Variants in HECW2 observed in about 807,000 individuals in gnomAD.
The protein encoded by HECW2 is E3 ubiquitin-protein ligase HECW2.
A neutral mutation model predicts 175.2 loss-of-function variants in HECW2; 61 were observed. That is an observed-to-expected ratio of 0.35 (90% CI 0.28 to 0.43). The LOEUF is 0.43. Ranked by LOEUF, HECW2 falls within the 20% of genes least tolerant of loss-of-function variation. The pLI, the probability that HECW2 is intolerant of heterozygous loss-of-function variation, is 1.00. For synonymous variants in HECW2, 671 were observed against 731.0 expected, an observed-to-expected ratio of 0.92 and a Z score of 1.32; for missense variants, 1,524 against 2,000.5, an observed-to-expected ratio of 0.76 and a Z score of 4.54.
intron 1 of HECW2, among the ~76,000 whole-genome samples, chr2:196,555,344 G>A (rs1371693757): frequency 6.6e-6 from 1 of 152,216 alleles, no homozygotes; most frequent in East Asian, 1.9e-4. Flanking sequence ...GAAGGGACAA[G>A]GCAGCTGCAT....
In HECW2 at chr2:196,374,990, G is replaced by A. The variant is rs548300724; in HGVS notation, c.293-31226C>T. Among the ~76,000 whole-genome samples the A allele has an allele frequency of 7.9e-5, 12 of 151,696 alleles. No homozygotes were observed. The South Asian group carries it at 1.3e-3, about 16-fold the overall frequency. ...AGCTTGGCCAACATGGTGAAACCCC[G>A]TCTCTACTAAAAAATACAAAAATTA... On this transcript the variant is annotated intron_variant, in intron 2 of 28. Coordinates refer to ENST00000644978, the MANE Select transcript of HECW2 (RefSeq NM_001348768.2).
rs537175619 is a variant in HECW2 at position 196,380,024 on chromosome 2, T to C, written c.293-36260A>G. ...TTGAGAAACAGTGAAATTTTAATATTAGATAATTCTTGTGTATAATATTAA... is the reference window on the plus strand; with the variant it reads ...TTGAGAAACAGTGAAATTTTAATATCAGATAATTCTTGTGTATAATATTAA... On this transcript the variant is annotated intron_variant, in intron 2 of 28. Coordinates refer to ENST00000644978, the MANE Select transcript of HECW2 (RefSeq NM_001348768.2). Among the ~76,000 whole-genome samples, 3 of 152,336 alleles carry C rather than the reference T, an allele frequency of 2.0e-5. No homozygotes were observed. In the East Asian group the frequency reaches 5.8e-4, roughly 29 times the overall value.
chr2:196,205,807 G>C (rs1687046704), intron 28 of HECW2, among the ~76,000 whole-genome samples: 1 of 152,130 alleles, frequency 6.6e-6, no homozygotes, highest in East Asian at 1.9e-4. Context: ...TCCACTATTG[G>C]AGAGGCATCA....
chr2:196,481,495 A>G (rs1686842055), intron 1 of HECW2, among the ~76,000 whole-genome samples: 1 of 152,248 alleles, frequency 6.6e-6, no homozygotes, highest in Non-Finnish European at 1.5e-5. Context: ...CCACCGGCAG[A>G]CCATCTCCCT....
chr2:196,374,283 T>C (rs1401353998), intron 2 of HECW2, among the ~76,000 whole-genome samples: 3 of 152,102 alleles, frequency 2.0e-5, no homozygotes, highest in Non-Finnish European at 4.4e-5. Flanking sequence ...TACTGCAAAA[T>C]TATATGTACA....
At chr2:196,561,071 A>T (rs1410500115) in intron 1 of HECW2, among the ~76,000 whole-genome samples, 1 of 152,242 alleles carries the variant, frequency 6.6e-6, no homozygotes, top group Non-Finnish European at 1.5e-5. Flanking sequence ...GCCAGGCAGG[A>T]CAGAGCCACA....
intron 1 of HECW2, among the ~76,000 whole-genome samples, chr2:196,461,186 A>C (rs61506082): frequency 0.035 from 5,325 of 152,206 alleles, 314 homozygotes; most frequent in African/African-American, 0.12. Flanking sequence ...GGGAGAAAGA[A>C]AGGCAGGCAG....
intron 2 of HECW2, among the ~76,000 whole-genome samples, chr2:196,390,966 T>C (rs902342088): frequency 2.6e-5 from 4 of 152,126 alleles, no homozygotes; most frequent in African/African-American, 9.7e-5. Context: ...GCTGGTTATC[T>C]TCCATGTGCC....
intron 1 of HECW2, among the ~76,000 whole-genome samples, chr2:196,574,216 G>A (rs1690482030): frequency 6.6e-6 from 1 of 152,094 alleles, no homozygotes; most frequent in Admixed American, 6.6e-5. Flanking sequence ...GATCACTTGA[G>A]GTCAGGAGTT....
chr2:196,476,074 C>T (rs532349216), intron 1 of HECW2, among the ~76,000 whole-genome samples: 1 of 152,206 alleles, frequency 6.6e-6, no homozygotes, highest in South Asian at 2.1e-4. Flanking sequence ...GTCAAACAGC[C>T]TGGGTTCTAA....
In HECW2 at chr2:196,519,851, A is replaced by C. The variant is rs143165677; in HGVS notation, c.-36+73657T>G. Reference sequence around the variant, plus strand: ...TTTTAATCTCCATTCTAATTGAGACATGCTCCAGGGGTAATCAACTGACTA... The same window carrying C: ...TTTTAATCTCCATTCTAATTGAGACCTGCTCCAGGGGTAATCAACTGACTA... On this transcript the variant is annotated intron_variant, in intron 1 of 28. Transcript: ENST00000644978. 6.2e-4 allele frequency among the ~76,000 whole-genome samples: 94 copies of C among 152,350 alleles called. No individual in the cohort carries two copies. In the East Asian group the frequency reaches 0.013, roughly 22 times the overall value.
chr2:196,337,316 T>C (rs1455035405), intron 3 of HECW2, among the ~76,000 whole-genome samples: 2 of 74,708 alleles, frequency 2.7e-5, no homozygotes, highest in Non-Finnish European at 2.6e-5. Context: ...AAGAGGAGCA[T>C]TTTTTTTTTT....
intron 2 of HECW2, among the ~76,000 whole-genome samples, chr2:196,352,409 A>G (rs770565784): frequency 2.0e-5 from 3 of 152,206 alleles, no homozygotes; most frequent in Non-Finnish European, 4.4e-5. Flanking sequence ...GGCCTTGGGA[A>G]TATCTGTGCA....
chr2:196,384,580 T>C (rs1694297606), intron 2 of HECW2, among the ~76,000 whole-genome samples: 1 of 151,678 alleles, frequency 6.6e-6, no homozygotes, highest in Non-Finnish European at 1.5e-5. Context: ...AGACCCTGTC[T>C]CCAAAAAAAA....
At chr2:196,337,818 C>G (rs534261553) in intron 3 of HECW2, among the ~76,000 whole-genome samples, 36 of 152,130 alleles carry the variant, frequency 2.4e-4, no homozygotes, top group African/African-American at 7.5e-4. Flanking sequence ...GGTCTAGCCT[C>G]AGGAGGAAGA....
At chr2:196,413,797 C>T (rs1695180197) in intron 2 of HECW2, among the ~76,000 whole-genome samples, 1 of 152,224 alleles carries the variant, frequency 6.6e-6, no homozygotes, top group Non-Finnish European at 1.5e-5. Flanking sequence ...TAATCTGGAG[C>T]TCTCCCTGTA....
At chr2:196,417,035 T>C (rs1359052442) in intron 2 of HECW2, among the ~76,000 whole-genome samples, 2 of 152,242 alleles carry the variant, frequency 1.3e-5, no homozygotes, top group Non-Finnish European at 2.9e-5. Context: ...TTAGGCACTG[T>C]ATTTTTCCCT....
At chr2:196,251,606 T>A (rs1027457861) in intron 19 of HECW2, among the ~76,000 whole-genome samples, 10 of 152,208 alleles carry the variant, frequency 6.6e-5, no homozygotes, top group African/African-American at 2.4e-4. Context: ...ACCATCTGCC[T>A]GGTAGCCTAG....
At chr2:196,493,421 T>TA (rs1687271907) in intron 1 of HECW2, 1 of 152,108 alleles carries the variant, frequency 6.6e-6, no homozygotes, top group African/African-American at 2.4e-5. Flanking sequence ...TTAGATGACA[T>TA]AAACAGAAAC....
Sources: gnomAD v4.1 joint callset for allele counts (sites outside exome capture counted in the v4.1 genomes callset) on GRCh38, gnomAD v4.1.1 for gene constraint, MANE v1.5 for transcripts, NCBI Gene and HGNC (gene_info 2026-07-23, HGNC 2026-07-21) for gene names.